Variants in SIVA1 observed in about 807,000 individuals in gnomAD.
SIVA1 encodes the protein SIVA1 apoptosis inducing factor.
A neutral mutation model predicts 19.7 loss-of-function variants in SIVA1; 10 were observed. That is an observed-to-expected ratio of 0.51 (90% CI 0.31 to 0.86). The LOEUF (loss-of-function observed/expected upper bound fraction) is 0.86. Among genes scored for constraint, SIVA1 ranks in the 40% least tolerant of loss-of-function variants. SIVA1 has a pLI of 0.04. For missense variants in SIVA1, 241 were observed against 245.2 expected (o/e 0.98, Z 0.11); for synonymous variants, 130 against 106.1 (o/e 1.23, Z -1.39).
intron 2 of SIVA1, 62 bp downstream of exon 2, chr14:104,755,886 T>C: frequency 6.8e-7 from 1 of 1,478,986 alleles, no homozygotes; most frequent in African/African-American, 1.4e-5. Flanking sequence ...GCACGAGCAT[T>C]TTTCTTGATT....
intron 1 of SIVA1, chr14:104,753,944 T>C (rs1452436498): frequency 3.0e-6 from 1 of 329,564 alleles, no homozygotes. Context: ...AAGAACAGTC[T>C]GAGCGGAATC....
chr14:104,756,995 T>G (rs992991596), intron 3 of SIVA1: 1 of 571,836 alleles, frequency 1.7e-6, no homozygotes, highest in African/African-American at 1.9e-5. Context: ...TGTATCCGGC[T>G]CTAGTCCCTG....
In SIVA1 at chr14:104,753,291, C is replaced by T. The variant is rs763281046; in HGVS notation, c.90C>T (p.Cys30=). ...VSQRELSRGV[C]AERYSQEVFE... ...AGAGGGAGTTGAGCCGCGGCGTGTGCGCCGAGCGCTACTCGCAGGAGGTCT... is the reference window on the plus strand; with the variant it reads ...AGAGGGAGTTGAGCCGCGGCGTGTGTGCCGAGCGCTACTCGCAGGAGGTCT... The change falls in exon 1 of 4, where the codon TGC becomes TGT. Residue 30 remains cysteine, a synonymous_variant. Coordinates refer to ENST00000329967, the MANE Select transcript of SIVA1 (RefSeq NM_006427.4). 1.2e-6 allele frequency: 2 copies of T among 1,600,466 alleles called. No homozygotes were observed. The highest frequency in any genetic ancestry group is 1.4e-5 in the African/African-American group (1 of 73,416).
intron 3 of SIVA1, chr14:104,758,623 G>T (rs1399381040): frequency 6.6e-6 from 1 of 151,956 alleles, no homozygotes; most frequent in Non-Finnish European, 1.5e-5. Context: ...CCAAGTAGCT[G>T]GAGTTACAGG....
intron 3 of SIVA1, chr14:104,757,417 C>A: frequency 3.4e-6 from 1 of 291,262 alleles, no homozygotes; most frequent in Non-Finnish European, 7.0e-6. Flanking sequence ...CTGAAATTGT[C>A]CATCTAAAAT....
At chr14:104,757,386 C>T in intron 3 of SIVA1, 1 of 342,084 alleles carries the variant, frequency 2.9e-6, no homozygotes, top group South Asian at 2.1e-5. Context: ...AGACCCAAAG[C>T]AAGCTTAGTC....
intron 3 of SIVA1, chr14:104,757,120 C>T (rs12587551): frequency 0.48 from 174,664 of 360,648 alleles, 43,424 homozygotes; most frequent in East Asian, 0.61. Context: ...AGGTGCACAC[C>T]GCAGCTTCAC....
chr14:104,759,357 TG>T lies in SIVA1; in HGVS notation c.471-69del. ...CTGGGTTAGGACTTTGACGTTTGAA[TG>T]GTGGGGGGTGGTGGACACAATTCAG... is the stretch of plus-strand genomic sequence containing the variant. On this transcript the variant is annotated intron_variant, in intron 3 of 3. Transcript: ENST00000329967. The surrounding 1 kb of genome is among the most constrained non-coding windows in gnomAD (Gnocchi z 4.2). 4 of 1,322,422 alleles carry T rather than the reference TG, an allele frequency of 3.0e-6. No individual in the cohort carries two copies. Among genetic ancestry groups the T allele is most frequent in the Non-Finnish European group, 4.3e-6 (4 of 932,416 alleles). 81.9% of individuals were successfully genotyped at this position (1,322,422 alleles called of 1,614,324 possible). A position where few individuals can be genotyped will look rare whatever the true frequency, so the allele number is the denominator to read the frequency against.
At chr14:104,755,987 T>G (rs1178781721) in intron 2 of SIVA1, 163 bp downstream of exon 2, 1 of 737,494 alleles carries the variant, frequency 1.4e-6, no homozygotes, top group African/African-American at 1.7e-5. Context: ...TCAGGAGGTC[T>G]CACATTCAAG....
At chr14:104,756,344 A>C in intron 2 of SIVA1, 1 of 557,650 alleles carries the variant, frequency 1.8e-6, no homozygotes. Context: ...GCCTCCAGGT[A>C]GCAGAGGGAC....
rs1209803777 is a variant in SIVA1, at chr14:104,755,678, A to G, written c.167A>G (p.His56Arg). The change falls in exon 2 of 4, where the codon CAC (histidine) becomes CGC (arginine). Residue 56 changes from histidine (H) to arginine (R), a missense_variant. By Grantham distance (29) the His-to-Arg change is conservative. Coordinates refer to ENST00000329967, the MANE Select transcript of SIVA1 (RefSeq NM_006427.4). ...LFLGAQAYLDHVWDEGCAVVH... is the reference protein window; with the variant it reads ...LFLGAQAYLDRVWDEGCAVVH... Reference sequence around the variant, plus strand: ...CTCGGGGCCCAGGCCTACCTGGACCACGTGTGGGATGAAGGCTGTGCCGTC... The same window carrying G: ...CTCGGGGCCCAGGCCTACCTGGACCGCGTGTGGGATGAAGGCTGTGCCGTC... 6.2e-7 allele frequency: 1 copy of G among 1,613,808 alleles called. No individual in the cohort carries two copies. Among genetic ancestry groups the G allele is most frequent in the Non-Finnish European group, 8.5e-7 (1 of 1,179,976 alleles).
At chr14:104,757,321 G>A in intron 3 of SIVA1, 1 of 427,318 alleles carries the variant, frequency 2.3e-6, no homozygotes, top group South Asian at 1.6e-5. Context: ...GAGCCTGTTT[G>A]CCCTGCCCCG....
intron 3 of SIVA1, chr14:104,757,444 A>G: frequency 3.9e-6 from 1 of 253,258 alleles, no homozygotes; most frequent in Non-Finnish European, 8.2e-6. Flanking sequence ...CACATGTTAC[A>G]TCTCGAGTCC....
At chr14:104,758,745 C>G (rs1891989728) in intron 3 of SIVA1, 1 of 152,314 alleles carries the variant, frequency 6.6e-6, no homozygotes, top group Admixed American at 6.5e-5. Context: ...CGGCCTCAGC[C>G]TCCCAAAGTG....
chr14:104,757,044 A>ACCT lies in SIVA1; in HGVS notation c.470+295_470+297dup, dbSNP rs573061664. The ACCT allele has an allele frequency of 2.3e-3, 1,078 of 462,742 alleles. 24 individuals are homozygous for ACCT. The Admixed American group carries it at 0.038, about 16-fold the overall frequency. The allele number at this position is 462,742 out of a possible 1,614,324, so 28.7% of individuals were successfully genotyped here. A position where few individuals can be genotyped will look rare whatever the true frequency, so the allele number is the denominator to read the frequency against. Reference sequence around the variant, plus strand: ...CCTGTTCTGATCTTTGAGCACCCCCACCTCCTCCTCCTCTGGTCTTTGAGC... The same window carrying ACCT: ...CCTGTTCTGATCTTTGAGCACCCCCACCTCCTCCTCCTCCTCTGGTCTTTGAGC... On this transcript the variant is annotated intron_variant, in intron 3 of 3. Coordinates refer to ENST00000329967, the MANE Select transcript of SIVA1 (RefSeq NM_006427.4).
chr14:104,753,181 G>A lies in SIVA1; in HGVS notation c.-21G>A, dbSNP rs2140849990. ...AAGGGGCTGGCGGCCGGGGAGCTGC[G>A]TAGCTCCCGGCCCCGCGGCCATGCC... On this transcript the variant is annotated 5_prime_UTR_variant, in exon 1 of 4. Transcript: ENST00000329967. 4.0e-6 allele frequency: 6 copies of A among 1,497,744 alleles called. No individual in the cohort carries two copies. The highest frequency in any genetic ancestry group is 1.2e-5 in the South Asian group (1 of 84,798). The allele number at this position is 1,497,744 out of a possible 1,614,324, so 92.8% of individuals were successfully genotyped here.
intron 1 of SIVA1, chr14:104,753,637 T>G: frequency 2.2e-6 from 1 of 449,436 alleles, no homozygotes; most frequent in Non-Finnish European, 4.2e-6. Flanking sequence ...CGCCTGGTGC[T>G]TTCTCAGGAC....
At chr14:104,756,223 G>A in intron 2 of SIVA1, 1 of 438,064 alleles carries the variant, frequency 2.3e-6, no homozygotes, top group Non-Finnish European at 4.2e-6. Context: ...TGTCTAGGAG[G>A]AGCCCAGGCA....
Position 104,757,098 on chromosome 14 carries a change from G to C in SIVA1, c.470+338G>C, listed in dbSNP as rs566163786. On this transcript the variant is annotated intron_variant, in intron 3 of 3. Coordinates refer to ENST00000329967, the MANE Select transcript of SIVA1 (RefSeq NM_006427.4). ...CCCTCCCCCCGTCCGAGGAGCCCCT[G>C]GTTGGTGACACAGGTGCACACCGCA... 20 of 391,364 alleles carry C rather than the reference G, an allele frequency of 5.1e-5. No homozygotes were observed. The Admixed American group carries it at 7.6e-4, about 15-fold the overall frequency. 24.2% of individuals were successfully genotyped at this position (391,364 alleles called of 1,614,324 possible).
Sources: gnomAD v4.1 joint callset for allele counts on GRCh38, gnomAD v4.1.1 for gene constraint, Gnocchi (gnomAD v3.1) non-coding constraint, MANE v1.5 for transcripts, NCBI Gene and HGNC (gene_info 2026-07-23, HGNC 2026-07-21) for gene names.